CPNE2: variants seen among roughly 807,000 people sequenced by gnomAD.
CPNE2 encodes the protein copine-2.
In CPNE2, 42 loss-of-function variants were observed where a neutral mutation model predicts 69.7. The ratio of observed to expected loss-of-function variants is 0.60; its 90% CI spans 0.47 to 0.78. The LOEUF is 0.78. Ranked by LOEUF, CPNE2 falls within the 30% of genes least tolerant of loss-of-function variation. The pLI is 0.00. For missense variants in CPNE2, 587 were observed against 732.0 expected (o/e 0.80, Z 2.29); for synonymous variants, 294 against 289.8 (o/e 1.01, Z -0.15).
chr16:57,141,116 G>C (rs1214520436), intron 14 of CPNE2: 1 of 152,392 alleles, frequency 6.6e-6, no homozygotes, highest in Non-Finnish European at 1.5e-5. Flanking sequence ...TTAGCGCCAG[G>C]GCCCTTTCAC....
At chr16:57,098,781 G>C (rs1479709863) in intron 1 of CPNE2, among the ~76,000 whole-genome samples, 3 of 152,134 alleles carry the variant, frequency 2.0e-5, no homozygotes, top group African/African-American at 7.2e-5. Context: ...GGTGTTGGGA[G>C]CAACGAAATG....
chr16:57,123,262 A>G (rs1336948980), intron 9 of CPNE2, 152 bp from the exon 10 acceptor site: 3 of 744,934 alleles, frequency 4.0e-6, no homozygotes, highest in Non-Finnish European at 7.0e-6. Flanking sequence ...TTTGTTATAG[A>G]GAGATTTGGG....
chr16:57,125,834 G>T (rs756253825), intron 10 of CPNE2, 26 bp from the exon 11 acceptor site: 1 of 1,613,680 alleles, frequency 6.2e-7, no homozygotes, highest in Non-Finnish European at 8.5e-7. Flanking sequence ...TGGCCCCACT[G>T]GGTGGCCTTT....
intron 13 of CPNE2, among the ~76,000 whole-genome samples, chr16:57,135,684 G>T (rs2069873848): frequency 6.6e-6 from 1 of 151,472 alleles, no homozygotes; most frequent in Admixed American, 6.6e-5. Flanking sequence ...GACCAGCCTG[G>T]CCAAGATTGT....
At position 57,113,441 on chromosome 16, in the gene CPNE2, G is replaced by A. The variant is rs2069694838; in HGVS notation, c.334G>A (p.Gly112Ser). 1.2e-6 allele frequency: 2 copies of A among 1,613,778 alleles called. No individual in the cohort carries two copies. The highest frequency in any genetic ancestry group is 1.7e-5 in the Admixed American group (1 of 59,958). ...SMRLDEHDFL[G>S]QFSCSLGTIV... ...GCGGCTGGACGAGCATGACTTCCTG[G>A]GCCAGTTCTCCTGCAGCCTGGGCAC... The change falls in exon 3 of 16, where the codon GGC (glycine) becomes AGC (serine). Residue 112 changes from glycine (G) to serine (S), a missense_variant. By Grantham distance (56) the Gly-to-Ser change is moderately conservative (BLOSUM62 0). Coordinates refer to ENST00000290776, the MANE Select transcript of CPNE2 (RefSeq NM_152727.6).
chr16:57,142,596 C>T (rs1324732495), intron 14 of CPNE2: 1 of 152,256 alleles, frequency 6.6e-6, no homozygotes, highest in African/African-American at 2.4e-5. Flanking sequence ...GGGGGGACTC[C>T]TATCTCAGGC....
At chr16:57,138,717 T>C (rs889558) in intron 14 of CPNE2, among the ~76,000 whole-genome samples, 138,305 of 152,192 alleles carry the variant, frequency 0.91, 63,009 homozygotes, top group Middle Eastern at 0.98. Context: ...TGGTCGGCAA[T>C]GTCTAGTTCA....
At chr16:57,093,649 C>T (rs2069559362) in intron 1 of CPNE2, among the ~76,000 whole-genome samples, 1 of 152,184 alleles carries the variant, frequency 6.6e-6, no homozygotes, top group African/African-American at 2.4e-5. Context: ...CATCTTGCAT[C>T]TGAATCCCCT....
chr16:57,123,661 G>A (rs2069779477), intron 10 of CPNE2, 188 bp downstream of exon 10: 1 of 622,588 alleles, frequency 1.6e-6, no homozygotes, highest in Admixed American at 2.7e-5. Context: ...GGGTGTGCCT[G>A]AGTTGGGGCT....
intron 2 of CPNE2, among the ~76,000 whole-genome samples, chr16:57,112,259 G>GT (rs1309268592): frequency 9.2e-5 from 14 of 152,178 alleles, no homozygotes; most frequent in Non-Finnish European, 2.1e-4. Flanking sequence ...TGGTACAACT[G>GT]TAAGTGGGAG....
At chr16:57,097,331 C>T (rs1189484816) in intron 1 of CPNE2, among the ~76,000 whole-genome samples, 1 of 152,186 alleles carries the variant, frequency 6.6e-6, no homozygotes, top group Non-Finnish European at 1.5e-5. Flanking sequence ...GGTTGCCCCT[C>T]CAGCACACAG....
rs2069826711 is a variant in CPNE2, at chr16:57,130,107, G to C, written c.1116+2204G>C. Reference sequence around the variant, plus strand: ...TACAAAATTTAAAAGTTGGCTGGGTGCAGTGGCTCACACTTATAATCTTAG... The same window carrying C: ...TACAAAATTTAAAAGTTGGCTGGGTCCAGTGGCTCACACTTATAATCTTAG... On this transcript the variant is annotated intron_variant, in intron 12 of 15. Transcript: ENST00000290776. The surrounding 1 kb of genome is among the most constrained non-coding windows in gnomAD (Gnocchi z 4.1). 6.6e-6 allele frequency among the ~76,000 whole-genome samples: 1 copy of C among 152,162 alleles called. No homozygotes were observed. The highest frequency in any genetic ancestry group is 2.4e-5 in the African/African-American group (1 of 41,436).
At chr16:57,116,006 C>T (rs2069716867) in intron 4 of CPNE2, among the ~76,000 whole-genome samples, 2 of 152,252 alleles carry the variant, frequency 1.3e-5, no homozygotes, top group African/African-American at 4.8e-5. Flanking sequence ...AGGAAGTTCC[C>T]TGGGGCAGCT....
rs1324056736 is a variant in CPNE2, at chr16:57,098,371, G to A, written c.-36+5581G>A. On this transcript the variant is annotated intron_variant, in intron 1 of 15. Coordinates refer to ENST00000290776, the MANE Select transcript of CPNE2 (RefSeq NM_152727.6). ...CAGAAATGATTTGTGTCAAGGTGCCGCCCCCACCTGGTCAGGAGTGCCAGC... is the reference window on the plus strand; with the variant it reads ...CAGAAATGATTTGTGTCAAGGTGCCACCCCCACCTGGTCAGGAGTGCCAGC... 6.6e-5 allele frequency among the ~76,000 whole-genome samples: 10 copies of A among 152,314 alleles called. No homozygotes were observed. The South Asian group carries it at 1.0e-3, about 16-fold the overall frequency.
intron 1 of CPNE2, among the ~76,000 whole-genome samples, chr16:57,108,957 C>G (rs1374748650): frequency 6.6e-6 from 1 of 152,154 alleles, no homozygotes; most frequent in African/African-American, 2.4e-5. Flanking sequence ...ATACACTCAT[C>G]CTTTTTTCAT....
intron 1 of CPNE2, among the ~76,000 whole-genome samples, chr16:57,108,275 C>T (rs1174623845): frequency 3.3e-5 from 5 of 152,212 alleles, no homozygotes; most frequent in African/African-American, 1.2e-4. Context: ...CAGTTTCCTC[C>T]TCTGGAAAAT....
chr16:57,118,171 T>C (rs528416175), intron 5 of CPNE2, among the ~76,000 whole-genome samples: 99 of 149,846 alleles, frequency 6.6e-4, no homozygotes, highest in Admixed American at 1.5e-3. Context: ...TTCTTTCTTT[T>C]TTTTTTTTTT....
intron 7 of CPNE2, 124 bp from the exon 8 acceptor site, chr16:57,120,969 A>T: frequency 1.6e-6 from 1 of 633,850 alleles, no homozygotes; most frequent in Non-Finnish European, 2.7e-6. Context: ...CAGGCCAGCT[A>T]GGCAGATGCT....
chr16:57,109,355 A>C (rs759887750), intron 1 of CPNE2, among the ~76,000 whole-genome samples: 5 of 152,026 alleles, frequency 3.3e-5, no homozygotes, highest in Non-Finnish European at 7.4e-5. Context: ...GGGTGCCTGT[A>C]GTCCCAGTTA....
Sources: gnomAD v4.1 joint callset for allele counts (sites outside exome capture counted in the v4.1 genomes callset) on GRCh38, gnomAD v4.1.1 for gene constraint, Gnocchi (gnomAD v3.1) non-coding constraint, MANE v1.5 for transcripts, NCBI Gene and HGNC (gene_info 2026-07-23, HGNC 2026-07-21) for gene names.